The following PLB1 variants were observed in gnomAD, a reference collection of about 807,000 sequenced individuals.
PLB1 encodes phospholipase B1, also known as phospholipase B1, membrane-associated.
In PLB1, 242 loss-of-function variants were observed where a neutral mutation model predicts 227.4. The ratio of observed to expected loss-of-function variants is 1.06; its 90% CI spans 0.96 to 1.18. The LOEUF is 1.18. Among genes scored for constraint, PLB1 ranks in the 50% most tolerant of loss-of-function variants. The probability of loss-of-function intolerance (pLI) is 0.00; values close to 1 mark genes in which losing one functional copy is unlikely to be tolerated. For synonymous variants in PLB1, 757 were observed against 682.2 expected (o/e 1.11, Z -1.71); for missense variants, 1,858 against 1,816.3 (o/e 1.02, Z -0.42).
At chr2:28,560,590 G>A (rs999933152) in intron 17 of PLB1, among the ~76,000 whole-genome samples, 1 of 152,164 alleles carries the variant, frequency 6.6e-6, no homozygotes, top group African/African-American at 2.4e-5. Context: ...AGGCTGCAGT[G>A]AGCCATGATC....
chr2:28,602,917 G>A lies in PLB1; in HGVS notation c.2770G>A (p.Ala924Thr). The change falls in exon 39 of 58, where the codon GCC becomes ACC. Residue 924 changes from alanine (A) to threonine (T), a missense_variant. Physicochemically the swap from Ala to Thr is moderately conservative, Grantham distance 58. Transcript: ENST00000327757. ...GNPDKCPVQQASVLCNCVLTL... is the reference protein window; with the variant it reads ...GNPDKCPVQQTSVLCNCVLTL... ...CCCAGACAAGTGCCCAGTGCAGCAG[G>A]CCAGGTAGGCAGGTCCTGGCTGTCC... 1.2e-6 allele frequency: 2 copies of A among 1,613,976 alleles called. No homozygotes were observed. The highest frequency in any genetic ancestry group is 1.1e-5 in the South Asian group (1 of 91,080).
chr2:28,601,378 C>T, intron 37 of PLB1, 46 bp downstream of exon 37: 5 of 1,540,170 alleles, frequency 3.2e-6, no homozygotes, highest in Non-Finnish European at 4.5e-6. Context: ...CTAACTTTGC[C>T]CAGTAGGCGT....
At chr2:28,618,503 C>A in intron 46 of PLB1, 104 bp downstream of exon 46, 1 of 1,222,700 alleles carries the variant, frequency 8.2e-7, no homozygotes, top group Non-Finnish European at 1.2e-6. Flanking sequence ...GTGCTGAGCC[C>A]GTGTTACTGA....
chr2:28,597,936 T>C (rs1683228156), intron 33 of PLB1, 69 bp from the exon 34 acceptor site: 15 of 1,469,162 alleles, frequency 1.0e-5, no homozygotes, highest in Non-Finnish European at 1.4e-5. Context: ...TGCTCTTGTG[T>C]AAAGTTCCTA....
chr2:28,619,260 G>A (rs892138124), intron 46 of PLB1, among the ~76,000 whole-genome samples: 7 of 152,200 alleles, frequency 4.6e-5, no homozygotes, highest in South Asian at 2.1e-4. Context: ...TTTTAAAATA[G>A]GGTAGTTATT....
intron 41 of PLB1, 38 bp from the exon 42 acceptor site, chr2:28,605,815 C>A (rs760363100): frequency 4.6e-6 from 7 of 1,537,204 alleles, no homozygotes; most frequent in Non-Finnish European, 6.3e-6. Context: ...TCCCTCTGAA[C>A]CAATAGGATC....
rs183504491 is a variant in PLB1, at chr2:28,577,917, G to A, written c.1434-190G>A. On this transcript the variant is annotated intron_variant, in intron 21 of 57. Transcript: ENST00000327757. ...CAGTGCTCTGGCCTTCCCAAGCACA[G>A]TCACCACCCCACACCCCCGCAGTGG... is the stretch of plus-strand genomic sequence containing the variant. Among the ~76,000 whole-genome samples, 445 of 152,328 alleles carry A rather than the reference G, an allele frequency of 2.9e-3. 1 individual carries two copies. The highest frequency in any genetic ancestry group is 0.017 in the Middle Eastern group (5 of 294).
intron 19 of PLB1, 147 bp from the exon 20 acceptor site, chr2:28,566,649 G>T: frequency 1.2e-6 from 1 of 837,150 alleles, no homozygotes; most frequent in Non-Finnish European, 2.0e-6. Flanking sequence ...TGCTTTTTCC[G>T]TTTTTCTACT....
intron 35 of PLB1, among the ~76,000 whole-genome samples, chr2:28,600,403 C>G (rs1387509120): frequency 6.6e-6 from 1 of 152,206 alleles, no homozygotes; most frequent in Non-Finnish European, 1.5e-5. Context: ...GAGCATCAAA[C>G]TCAGCTTCCT....
chr2:28,601,742 T>C (rs1052701239), intron 37 of PLB1, 157 bp from the exon 38 acceptor site: 8 of 691,256 alleles, frequency 1.2e-5, no homozygotes, highest in African/African-American at 3.6e-5. Flanking sequence ...AGTAGTCAAC[T>C]GTTCATCTCA....
rs59137589 is a variant in PLB1, at chr2:28,511,788, C to CTTTTTTTTTTTTTTT, written c.56-5006_56-5005insTTTTTTTTTTTTTTT. Among the ~76,000 whole-genome samples the CTTTTTTTTTTTTTTT allele has an allele frequency of 3.8e-4, 50 of 132,640 alleles. 1 individual carries two copies. The highest frequency in any genetic ancestry group is 1.3e-3 in the African/African-American group (47 of 35,420). The allele number at this position is 132,640 out of a possible 152,430, so 87.0% of individuals were successfully genotyped here. On this transcript the variant is annotated intron_variant, in intron 1 of 57. Coordinates refer to ENST00000327757, the MANE Select transcript of PLB1 (RefSeq NM_153021.5). ...TTTGGGAAGTTTTCAGCCATTTTAT[C>CTTTTTTTTTTTTTTT]TTTTTTTTTTTTTTGAGATGGAGTT...
intron 1 of PLB1, among the ~76,000 whole-genome samples, chr2:28,496,731 C>T (rs1666493175): frequency 6.6e-6 from 1 of 152,238 alleles, no homozygotes; most frequent in African/African-American, 2.4e-5. Flanking sequence ...TTCCCCCCAA[C>T]ATTAATGACT....
chr2:28,640,896 G>A, intron 56 of PLB1, 31 bp from the exon 57 acceptor site: 1 of 1,599,038 alleles, frequency 6.3e-7, no homozygotes, highest in Non-Finnish European at 8.5e-7. Flanking sequence ...CAGCTTTGGA[G>A]AGAATCGAGG....
rs756240139 is a variant in PLB1, at chr2:28,590,052, G to C, written c.2064G>C (p.Lys688Asn). The change falls in exon 29 of 58, where the codon AAG becomes AAC. Residue 688 changes from lysine to asparagine, a missense_variant. By Grantham distance (94) the Lys-to-Asn change is moderately conservative. Transcript: ENST00000327757. ...QKTTRHKFEN[K>N]INITCPNQVQ... ...CGACTCGTCATAAGTTTGAAAACAA[G>C]ATCAATATCACATGTCCGAACCAGG... 8 of 1,613,562 alleles carry C rather than the reference G, an allele frequency of 5.0e-6. No individual in the cohort carries two copies. The highest frequency in any genetic ancestry group is 6.8e-6 in the Non-Finnish European group (8 of 1,179,514).
intron 1 of PLB1, among the ~76,000 whole-genome samples, chr2:28,513,770 AAGATGTGGG>A (rs1350190791): frequency 6.6e-6 from 1 of 152,226 alleles, no homozygotes; most frequent in Admixed American, 6.5e-5. Context: ...GTTTTAGGAA[AAGATGTGGG>A]GCTCCACCTG....
chr2:28,548,892 G>A lies in PLB1; in HGVS notation c.969G>A (p.Leu323=). Residue 323 remains leucine (L), a synonymous_variant, in exon 15 of 58, where the codon TTG becomes TTA. Transcript: ENST00000327757. ...CAGCAGGAGAGAAAGATGAGCCATTGAGTGTAAAACACGGGAGGCCAATGA... is the reference window on the plus strand; with the variant it reads ...CAGCAGGAGAGAAAGATGAGCCATTAAGTGTAAAACACGGGAGGCCAATGA... ...MEPAGEKDEP[L]SVKHGRPMKC... 1.9e-6 allele frequency: 3 copies of A among 1,614,088 alleles called. No individual in the cohort carries two copies. Among genetic ancestry groups the A allele is most frequent in the Non-Finnish European group, 2.5e-6 (3 of 1,179,998 alleles).
rs7595969 is a variant in PLB1 at position 28,524,476 on chromosome 2, C to T, written c.244-791C>T. Reference sequence around the variant, plus strand: ...TACCAAGGGGGAAATCGGAAACTTACCTTGTTCGTTCCAAAAATATGGATT... The same window carrying T: ...TACCAAGGGGGAAATCGGAAACTTATCTTGTTCGTTCCAAAAATATGGATT... On this transcript the variant is annotated intron_variant, in intron 4 of 57. Coordinates refer to ENST00000327757, the MANE Select transcript of PLB1 (RefSeq NM_153021.5). Among the ~76,000 whole-genome samples, 1,208 of 152,252 alleles carry T rather than the reference C, an allele frequency of 7.9e-3. 9 individuals are homozygous for T. The highest frequency in any genetic ancestry group is 0.027 in the African/African-American group (1,123 of 41,536).
At chr2:28,542,132 CAAAA>C (rs34320310) in intron 13 of PLB1, among the ~76,000 whole-genome samples, 7 of 125,822 alleles carry the variant, frequency 5.6e-5, no homozygotes, top group Non-Finnish European at 1.0e-4. Context: ...GACTCAGTCT[CAAAA>C]AAAAAAAAAA....
At chr2:28,540,912 T>G (rs957386602) in intron 12 of PLB1, among the ~76,000 whole-genome samples, 1 of 152,178 alleles carries the variant, frequency 6.6e-6, no homozygotes, top group Non-Finnish European at 1.5e-5. Context: ...GGCTCACACC[T>G]GTAATCCCAG....
Sources: gnomAD v4.1 joint callset for allele counts (sites outside exome capture counted in the v4.1 genomes callset) on GRCh38, gnomAD v4.1.1 for gene constraint, MANE v1.5 for transcripts, NCBI Gene and HGNC (gene_info 2026-07-23, HGNC 2026-07-21) for gene names.